The following ADGRB3 variants were observed in gnomAD, a reference collection of about 807,000 sequenced individuals.
ADGRB3 encodes brain-specific angiogenesis inhibitor 3.
A neutral mutation model predicts 193.4 loss-of-function variants in ADGRB3; 37 were observed. The ratio of observed to expected loss-of-function variants is 0.19; its 90% confidence interval spans 0.15 to 0.25. The LOEUF is 0.25. ADGRB3 is among the 10% of genes least tolerant of loss of function. The probability of loss-of-function intolerance (pLI) is 1.00; values close to 1 mark genes in which losing one functional copy is unlikely to be tolerated. For missense variants in ADGRB3, 1,637 were observed against 1,852.9 expected (o/e 0.88, Z 2.14); for synonymous variants, 690 against 644.2 (o/e 1.07, Z -1.08).
At chr6:68,864,579 A>G (rs1429619953) in intron 3 of ADGRB3, among the ~76,000 whole-genome samples, 2 of 152,212 alleles carry the variant, frequency 1.3e-5, no homozygotes, top group Non-Finnish European at 2.9e-5. Context: ...CAACGGAGTC[A>G]CTGAACTGAA....
chr6:69,037,432 A>C lies in ADGRB3; in HGVS notation c.2108-10753A>C, dbSNP rs564365053. On this transcript the variant is annotated intron_variant, in intron 13 of 31. Transcript: ENST00000370598. ...AGCCTGATAGCCCACAAAACTGAAA[A>C]TATTTCTGTTTTAGCTCATTGTAGA... 5.3e-5 allele frequency among the ~76,000 whole-genome samples: 8 copies of C among 152,254 alleles called. No individual in the cohort carries two copies. In the East Asian group the frequency reaches 1.5e-3, roughly 29 times the overall value.
At chr6:68,831,496 A>G (rs1342822430) in intron 3 of ADGRB3, among the ~76,000 whole-genome samples, 1 of 152,086 alleles carries the variant, frequency 6.6e-6, no homozygotes, top group Non-Finnish European at 1.5e-5. Context: ...CCTATGAGAT[A>G]TAGAAGTCTG....
intron 17 of ADGRB3, among the ~76,000 whole-genome samples, chr6:69,192,402 T>G (rs1446239191): frequency 6.6e-6 from 1 of 152,112 alleles, no homozygotes. Flanking sequence ...GGCAGCTGAT[T>G]AGATGTTGTC....
At chr6:68,856,550 G>T (rs1764991073) in intron 3 of ADGRB3, among the ~76,000 whole-genome samples, 1 of 152,218 alleles carries the variant, frequency 6.6e-6, no homozygotes. Context: ...CTGCCCTAGA[G>T]ATTTATGGAA....
intron 17 of ADGRB3, among the ~76,000 whole-genome samples, chr6:69,117,158 G>T (rs959506631): frequency 6.6e-6 from 1 of 152,196 alleles, no homozygotes; most frequent in African/African-American, 2.4e-5. Flanking sequence ...ATTTAGAATA[G>T]ATGTTAATGT....
chr6:69,265,856 C>T (rs1193411050), intron 20 of ADGRB3, among the ~76,000 whole-genome samples: 1 of 151,924 alleles, frequency 6.6e-6, no homozygotes, highest in Admixed American at 6.6e-5. Flanking sequence ...ATAACTTGCT[C>T]ATCTGTAGAA....
intron 3 of ADGRB3, among the ~76,000 whole-genome samples, chr6:68,764,868 G>T (rs1766479979): frequency 6.6e-6 from 1 of 152,170 alleles, no homozygotes; most frequent in Non-Finnish European, 1.5e-5. Flanking sequence ...CAATGGAAAT[G>T]ATAGAAATGT....
chr6:69,178,386 T>TG (rs1372871229), intron 17 of ADGRB3, among the ~76,000 whole-genome samples: 1 of 152,126 alleles, frequency 6.6e-6, no homozygotes. Flanking sequence ...TTGGTTTTTT[T>TG]GTTTGTTTGT....
At chr6:68,677,550 C>G (rs1159884068) in intron 3 of ADGRB3, among the ~76,000 whole-genome samples, 1 of 126,990 alleles carries the variant, frequency 7.9e-6, no homozygotes, top group Non-Finnish European at 1.6e-5. Flanking sequence ...ACAGGTCTCA[C>G]TCTGTTGTTC....
intron 20 of ADGRB3, among the ~76,000 whole-genome samples, chr6:69,244,190 G>A (rs1766442780): frequency 6.6e-6 from 1 of 151,674 alleles, no homozygotes; most frequent in African/African-American, 2.4e-5. Context: ...CTGTCTTAAA[G>A]CACTTTTAAA....
chr6:69,272,313 AG>A (rs1441038551), intron 20 of ADGRB3, among the ~76,000 whole-genome samples: 3 of 152,216 alleles, frequency 2.0e-5, no homozygotes, highest in Non-Finnish European at 2.9e-5. Context: ...GGAGATGGGC[AG>A]GTCAGCAGAT....
intron 13 of ADGRB3, among the ~76,000 whole-genome samples, chr6:69,024,335 A>G (rs974133132): frequency 2.6e-5 from 4 of 152,216 alleles, no homozygotes; most frequent in African/African-American, 7.2e-5. Context: ...GATAAACTTT[A>G]TGGGATTCTC....
Position 69,012,432 on chromosome 6 carries a change from C to T in ADGRB3, c.1930-1606C>T, listed in dbSNP as rs139577528. Among the ~76,000 whole-genome samples, 22 of 152,052 alleles carry T rather than the reference C, an allele frequency of 1.4e-4. No homozygotes were observed. The East Asian group carries it at 4.3e-3, about 30-fold the overall frequency. On this transcript the variant is annotated intron_variant, in intron 11 of 31. Coordinates refer to ENST00000370598, the MANE Select transcript of ADGRB3 (RefSeq NM_001704.3). ...AGCACCATGTCCCCTACTGAGTTAA[C>T]CAGTCACAGGCAATTGGAGAACTCT...
chr6:69,208,256 G>A (rs887071423), intron 17 of ADGRB3, among the ~76,000 whole-genome samples: 1 of 152,182 alleles, frequency 6.6e-6, no homozygotes, highest in African/African-American at 2.4e-5. Context: ...CTCCTCTGCT[G>A]AGGTCACCCG....
At chr6:69,040,849 TG>T (rs1379146289) in intron 13 of ADGRB3, among the ~76,000 whole-genome samples, 1 of 152,146 alleles carries the variant, frequency 6.6e-6, no homozygotes, top group East Asian at 1.9e-4. Context: ...AGTTCAAAAA[TG>T]AACACATAAA....
intron 3 of ADGRB3, among the ~76,000 whole-genome samples, chr6:68,820,168 G>C (rs1767722868): frequency 6.6e-6 from 1 of 151,788 alleles, no homozygotes; most frequent in Non-Finnish European, 1.5e-5. Context: ...CAATTAACTT[G>C]ATTACATCTA....
chr6:68,828,027 G>A (rs73745893), intron 3 of ADGRB3, among the ~76,000 whole-genome samples: 4,634 of 152,164 alleles, frequency 0.03, 202 homozygotes, highest in African/African-American at 0.11. Flanking sequence ...CTTAGGGCTG[G>A]AACCAAGTCA....
chr6:68,935,725 G>A (rs1370662914), intron 4 of ADGRB3, among the ~76,000 whole-genome samples: 1 of 151,880 alleles, frequency 6.6e-6, no homozygotes, highest in Non-Finnish European at 1.5e-5. Flanking sequence ...GTCTCCTTGA[G>A]ACATAATAAA....
intron 3 of ADGRB3, among the ~76,000 whole-genome samples, chr6:68,876,297 C>A (rs1413077657): frequency 1.3e-5 from 2 of 152,058 alleles, no homozygotes; most frequent in Non-Finnish European, 2.9e-5. Context: ...ATGGAGCCTT[C>A]TTTCTAAGTA....
Sources: allele counts gnomAD v4.1 joint callset (sites outside exome capture counted in the v4.1 genomes callset), GRCh38; gene constraint gnomAD v4.1.1; transcripts MANE v1.5; gene names NCBI Gene and HGNC (gene_info 2026-07-23, HGNC 2026-07-21).